Variants in B4GALT5 observed in about 807,000 individuals in gnomAD.
B4GALT5 encodes the protein UDP-Gal:beta-GlcNAc beta-1,4-galactosyltransferase 5.
In B4GALT5, 11 loss-of-function variants were observed where a neutral mutation model predicts 45.0. The ratio of observed to expected loss-of-function variants is 0.24; its 90% confidence interval spans 0.15 to 0.40. The LOEUF (loss-of-function observed/expected upper bound fraction) is 0.40. Among genes scored for constraint, B4GALT5 ranks in the 10% least tolerant of loss-of-function variants. The pLI, the probability that B4GALT5 is intolerant of heterozygous loss-of-function variation, is 1.00. For missense variants in B4GALT5, 337 were observed against 500.2 expected, an observed-to-expected ratio of 0.67 and a Z score of 3.11; for synonymous variants, 185 against 182.9, an observed-to-expected ratio of 1.01 and a Z score of -0.09.
At position 49,656,614 on chromosome 20, in the gene B4GALT5, C is replaced by T. The variant is rs764113863; in HGVS notation, c.204G>A (p.Val68=). 3.1e-5 allele frequency: 50 copies of T among 1,614,066 alleles called. 1 individual carries two copies. In the South Asian group the frequency reaches 5.4e-4, roughly 17 times the overall value. Reference sequence around the variant, plus strand: ...TCCTCTTGGCATAAGCACTCCGAAGCACCTGCTCATAAACCTGAGCACCGA... The same window carrying T: ...TCCTCTTGGCATAAGCACTCCGAAGTACCTGCTCATAAACCTGAGCACCGA... ...RTIGAQVYEQ[V]LRSAYAKRNS... is the part of the protein sequence containing the mutation. Residue 68 remains valine, a synonymous_variant, in exon 2 of 9, where the codon GTG becomes GTA. Coordinates refer to ENST00000371711, the MANE Select transcript of B4GALT5 (RefSeq NM_004776.4).
At chr20:49,685,678 C>T (rs1193941697) in intron 1 of B4GALT5, among the ~76,000 whole-genome samples, 3 of 152,076 alleles carry the variant, frequency 2.0e-5, no homozygotes, top group Non-Finnish European at 4.4e-5. Flanking sequence ...ATAGAAATTA[C>T]GGACTCAGAA....
chr20:49,652,470 T>C (rs1297563165), intron 2 of B4GALT5, among the ~76,000 whole-genome samples: 1 of 151,720 alleles, frequency 6.6e-6, no homozygotes, highest in East Asian at 1.9e-4. Context: ...AGTTAGTCCA[T>C]TAAAGGATGA....
At chr20:49,672,479 T>C (rs2085720086) in intron 1 of B4GALT5, among the ~76,000 whole-genome samples, 1 of 152,230 alleles carries the variant, frequency 6.6e-6, no homozygotes, top group South Asian at 2.1e-4. Context: ...CTTTTGCATA[T>C]ATCAACTTGT....
chr20:49,677,029 GTTTTT>G (rs1354667141), intron 1 of B4GALT5, among the ~76,000 whole-genome samples: 1 of 152,086 alleles, frequency 6.6e-6, no homozygotes, highest in African/African-American at 2.4e-5. Flanking sequence ...CTTAAGTGGT[GTTTTT>G]TGTTTTGTTT....
At chr20:49,669,540 T>C (rs6125709) in intron 1 of B4GALT5, among the ~76,000 whole-genome samples, 17,773 of 151,738 alleles carry the variant, frequency 0.12, 1,256 homozygotes, top group East Asian at 0.22. Context: ...CTACTAAAAA[T>C]ACAAAATCAG....
chr20:49,682,349 C>T lies in B4GALT5; in HGVS notation c.116-25647G>A, dbSNP rs1328447727. ...ACTGCAGAGTCGAAAACGTTTACAT[C>T]TGGCCCTTCGCAGAGCAAGTCTGTC... On this transcript the variant is annotated intron_variant, in intron 1 of 8. Transcript: ENST00000371711. 2.0e-5 allele frequency among the ~76,000 whole-genome samples: 3 copies of T among 152,268 alleles called. No individual in the cohort carries two copies. In the East Asian group the frequency reaches 5.8e-4, roughly 29 times the overall value.
intron 2 of B4GALT5, among the ~76,000 whole-genome samples, chr20:49,653,276 G>T (rs978864935): frequency 2.6e-5 from 4 of 152,158 alleles, no homozygotes. Context: ...TTCTGGAGCA[G>T]TCTGGAGTTG....
intron 3 of B4GALT5, among the ~76,000 whole-genome samples, 165 bp downstream of exon 3, chr20:49,646,800 T>G (rs2085600804): frequency 6.6e-6 from 1 of 152,198 alleles, no homozygotes; most frequent in African/African-American, 2.4e-5. Flanking sequence ...ACAGGCAACC[T>G]TGCAGCAGGC....
intron 1 of B4GALT5, among the ~76,000 whole-genome samples, chr20:49,687,444 G>A (rs1240308013): frequency 6.6e-6 from 1 of 152,166 alleles, no homozygotes; most frequent in Non-Finnish European, 1.5e-5. Flanking sequence ...AGTAGTTCGA[G>A]ACCAGCCTGG....
At chr20:49,704,623 G>A (rs2085876541) in intron 1 of B4GALT5, among the ~76,000 whole-genome samples, 2 of 151,020 alleles carry the variant, frequency 1.3e-5, no homozygotes, top group Admixed American at 6.6e-5. Flanking sequence ...GGAGGCTGAG[G>A]CAGGAGAATG....
At chr20:49,668,544 C>T (rs1286948180) in intron 1 of B4GALT5, among the ~76,000 whole-genome samples, 1 of 146,472 alleles carries the variant, frequency 6.8e-6, no homozygotes, top group Non-Finnish European at 1.5e-5. Flanking sequence ...CTTGCTGGTT[C>T]CATTGAAACT....
At chr20:49,676,630 T>A (rs2085738654) in intron 1 of B4GALT5, among the ~76,000 whole-genome samples, 1 of 152,226 alleles carries the variant, frequency 6.6e-6, no homozygotes, top group Non-Finnish European at 1.5e-5. Context: ...TCTTGGCTAC[T>A]GCGCAGGGGC....
At chr20:49,637,277 C>T in intron 8 of B4GALT5, 64 bp downstream of exon 8, 1 of 1,451,918 alleles carries the variant, frequency 6.9e-7, no homozygotes, top group Non-Finnish European at 9.7e-7. Flanking sequence ...GTAATATGCT[C>T]TAAGATATCC....
chr20:49,659,963 A>G (rs2085658855), intron 1 of B4GALT5, among the ~76,000 whole-genome samples: 1 of 152,038 alleles, frequency 6.6e-6, no homozygotes, highest in Admixed American at 6.6e-5. Flanking sequence ...TATTTTTCAT[A>G]GAGACGGGGT....
chr20:49,711,309 C>T (rs1220404835), intron 1 of B4GALT5, among the ~76,000 whole-genome samples: 1 of 152,188 alleles, frequency 6.6e-6, no homozygotes, highest in Non-Finnish European at 1.5e-5. Context: ...CATCGCTTTA[C>T]ACAGGGGTTC....
intron 1 of B4GALT5, among the ~76,000 whole-genome samples, chr20:49,712,471 G>A (rs1335348098): frequency 2.0e-5 from 3 of 151,970 alleles, no homozygotes; most frequent in Non-Finnish European, 4.4e-5. Context: ...AGGCGGGGGA[G>A]GGGTGGGAGG....
chr20:49,712,450 A>G (rs1163533015), intron 1 of B4GALT5, among the ~76,000 whole-genome samples: 1 of 134,520 alleles, frequency 7.4e-6, no homozygotes, highest in Admixed American at 7.7e-5. Flanking sequence ...ATAAAAGACT[A>G]TGCTTGGGGC....
At chr20:49,683,787 G>C (rs1050945738) in intron 1 of B4GALT5, among the ~76,000 whole-genome samples, 16 of 151,912 alleles carry the variant, frequency 1.1e-4, no homozygotes, top group African/African-American at 3.1e-4. Flanking sequence ...CATAAAACGG[G>C]GATAATAATA....
chr20:49,643,799 A>C, intron 3 of B4GALT5, 149 bp from the exon 4 acceptor site: 1 of 763,066 alleles, frequency 1.3e-6, no homozygotes, highest in Non-Finnish European at 2.0e-6. Context: ...TTTCCATCTC[A>C]CCGTATTTCA....
Sources: gnomAD v4.1 joint callset for allele counts (sites outside exome capture counted in the v4.1 genomes callset) on GRCh38, gnomAD v4.1.1 for gene constraint, MANE v1.5 for transcripts, NCBI Gene and HGNC (gene_info 2026-07-23, HGNC 2026-07-21) for gene names.